The following TMEM108 variants were observed in gnomAD, a reference collection of about 807,000 sequenced individuals.
TMEM108 encodes cancer/testis antigen 124.
Under a neutral mutation model 35.1 loss-of-function variants are expected in TMEM108, and 12 were observed. The observed-to-expected ratio is 0.34, with a 90% CI of 0.22 to 0.55. The LOEUF is 0.55. Among genes scored for constraint, TMEM108 ranks in the 20% least tolerant of loss-of-function variants. The pLI, the probability that TMEM108 is intolerant of heterozygous loss-of-function variation, is 0.89. For missense variants in TMEM108, 680 were observed against 753.3 expected (o/e 0.90, Z 1.14); for synonymous variants, 287 against 308.6 (o/e 0.93, Z 0.73).
intron 4 of TMEM108, chr3:133,388,697 A>ACCTC: frequency 1.8e-5 from 18 of 985,432 alleles, no homozygotes; most frequent in Non-Finnish European, 2.2e-5. Context: ...CTAACCTTGT[A>ACCTC]CAGAGACCTT....
At chr3:133,059,105 C>T (rs986051438) in intron 2 of TMEM108, among the ~76,000 whole-genome samples, 16 of 152,174 alleles carry the variant, frequency 1.1e-4, no homozygotes, top group Admixed American at 7.9e-4. Flanking sequence ...AGCGGACTGG[C>T]TTTCTGGCTT....
chr3:133,042,663 A>G (rs369094829), intron 1 of TMEM108, among the ~76,000 whole-genome samples: 1 of 152,202 alleles, frequency 6.6e-6, no homozygotes. Context: ...TTAGGATCCT[A>G]ACAGTTCAGA....
chr3:133,098,767 C>T lies in TMEM108; in HGVS notation c.-47+52747C>T, dbSNP rs7645558. On this transcript the variant is annotated intron_variant, in intron 2 of 5. Transcript: ENST00000321871. ...AGCTCCAAAACGATCTCCTTTGACTCCAGGTCTCGCTGATGCAAAAGGTGG... is the reference window on the plus strand; with the variant it reads ...AGCTCCAAAACGATCTCCTTTGACTTCAGGTCTCGCTGATGCAAAAGGTGG... Among the ~76,000 whole-genome samples the T allele has an allele frequency of 7.1e-3, 1,081 of 152,314 alleles. 9 individuals are homozygous for T. Among genetic ancestry groups the T allele is most frequent in the African/African-American group, 0.024 (999 of 41,566 alleles).
At chr3:133,371,625 A>AC (rs1255040441) in intron 3 of TMEM108, among the ~76,000 whole-genome samples, 3 of 150,932 alleles carry the variant, frequency 2.0e-5, no homozygotes, top group African/African-American at 7.3e-5. Flanking sequence ...AAAAAAAAAA[A>AC]AAAAAAAAAA....
chr3:133,218,799 T>G (rs1945945988), intron 2 of TMEM108, among the ~76,000 whole-genome samples: 1 of 152,082 alleles, frequency 6.6e-6, no homozygotes, highest in South Asian at 2.1e-4. Flanking sequence ...TGTTGAGGAT[T>G]TTTGTGTCCT....
chr3:133,059,174 T>A (rs930064251), intron 2 of TMEM108, among the ~76,000 whole-genome samples: 1 of 152,184 alleles, frequency 6.6e-6, no homozygotes, highest in Non-Finnish European at 1.5e-5. Flanking sequence ...CTGAATCGCC[T>A]CTCAAAGACG....
intron 3 of TMEM108, chr3:133,378,453 G>A (rs1426546321): frequency 2.0e-5 from 20 of 985,320 alleles, no homozygotes; most frequent in East Asian, 2.3e-4. Context: ...GTAATTAGAC[G>A]CAGACAGAGA....
chr3:133,285,167 A>G (rs1946966844), intron 3 of TMEM108, among the ~76,000 whole-genome samples: 1 of 152,228 alleles, frequency 6.6e-6, no homozygotes, highest in South Asian at 2.1e-4. Flanking sequence ...TATGGTGGCT[A>G]TTGAGCCCTT....
intron 3 of TMEM108, among the ~76,000 whole-genome samples, chr3:133,242,201 C>T (rs1178714647): frequency 6.6e-6 from 1 of 152,162 alleles, no homozygotes; most frequent in Non-Finnish European, 1.5e-5. Context: ...CCAGTAAGAT[C>T]ATATTCAGAG....
intron 3 of TMEM108, among the ~76,000 whole-genome samples, chr3:133,301,917 C>T (rs1947230575): frequency 6.6e-6 from 1 of 152,094 alleles, no homozygotes; most frequent in Admixed American, 6.5e-5. Context: ...ACAAACACAC[C>T]CACCCAACTC....
At chr3:133,240,539 C>T (rs976906522) in intron 3 of TMEM108, among the ~76,000 whole-genome samples, 5 of 152,186 alleles carry the variant, frequency 3.3e-5, no homozygotes, top group Admixed American at 3.3e-4. Context: ...GGAAGTAGTG[C>T]TCATACTTAG....
At position 133,153,816 on chromosome 3, in the gene TMEM108, A is replaced by G. The variant is rs137889957; in HGVS notation, c.-46-75450A>G. Among the ~76,000 whole-genome samples, 9 of 152,310 alleles carry G rather than the reference A, an allele frequency of 5.9e-5. No individual in the cohort carries two copies. In the East Asian group the frequency reaches 1.5e-3, roughly 26 times the overall value. ...GTCTGCAAATGGGCAATGGTTGTAT[A>G]TAGTAAGAATGATGTGTTGTCTGTA... is the stretch of plus-strand genomic sequence containing the variant. On this transcript the variant is annotated intron_variant, in intron 2 of 5. Transcript: ENST00000321871.
At chr3:133,383,213 C>T (rs866128434) in intron 4 of TMEM108, among the ~76,000 whole-genome samples, 7 of 152,106 alleles carry the variant, frequency 4.6e-5, no homozygotes, top group African/African-American at 1.2e-4. Flanking sequence ...AAGTGCATTC[C>T]GTTATTTTTT....
chr3:133,252,361 C>T (rs1436152242), intron 3 of TMEM108, among the ~76,000 whole-genome samples: 1 of 152,034 alleles, frequency 6.6e-6, no homozygotes, highest in African/African-American at 2.4e-5. Context: ...TAAATTGTGT[C>T]CTCCAGGTGT....
At chr3:133,351,945 C>T (rs2072013844) in intron 3 of TMEM108, among the ~76,000 whole-genome samples, 1 of 152,138 alleles carries the variant, frequency 6.6e-6, no homozygotes, top group Non-Finnish European at 1.5e-5. Context: ...TTAAAAACCC[C>T]GTTGACTCCA....
intron 2 of TMEM108, among the ~76,000 whole-genome samples, chr3:133,077,419 A>C (rs1191878243): frequency 1.3e-5 from 2 of 152,084 alleles, no homozygotes; most frequent in Non-Finnish European, 2.9e-5. Context: ...AGGCGGTGAG[A>C]TAGGGCGTCC....
intron 2 of TMEM108, among the ~76,000 whole-genome samples, chr3:133,112,927 A>G (rs1944243486): frequency 6.6e-6 from 1 of 152,212 alleles, no homozygotes; most frequent in South Asian, 2.1e-4. Flanking sequence ...ACATTTAAAA[A>G]CTTTGTCAAT....
At chr3:133,264,764 A>G (rs1946673732) in intron 3 of TMEM108, among the ~76,000 whole-genome samples, 2 of 152,224 alleles carry the variant, frequency 1.3e-5, no homozygotes, top group African/African-American at 4.8e-5. Flanking sequence ...TTCGTAAAAC[A>G]AGCAGTGATG....
chr3:133,302,285 GCACA>G (rs373685145), intron 3 of TMEM108, among the ~76,000 whole-genome samples: 5 of 151,684 alleles, frequency 3.3e-5, no homozygotes, highest in African/African-American at 9.7e-5. Flanking sequence ...GCACGGGTGT[GCACA>G]CACACACACT....
Sources: allele counts gnomAD v4.1 joint callset (sites outside exome capture counted in the v4.1 genomes callset), GRCh38; gene constraint gnomAD v4.1.1; transcripts MANE v1.5; gene names NCBI Gene and HGNC (gene_info 2026-07-23, HGNC 2026-07-21).